RC3H2: variants seen among roughly 807,000 people sequenced by gnomAD.
The protein encoded by RC3H2 is ring finger and CCCH-type domains 2.
RC3H2 carries 31 observed loss-of-function variants against 133.3 expected under a neutral mutation model. The observed-to-expected ratio is 0.23, with a 90% CI of 0.17 to 0.31. The LOEUF (loss-of-function observed/expected upper bound fraction) is 0.31, where lower values mean the gene tolerates loss of function less well. Ranked by LOEUF, RC3H2 falls within the 10% of genes least tolerant of loss-of-function variation. RC3H2 has a pLI of 1.00. For synonymous variants in RC3H2, 517 were observed against 502.2 expected, an observed-to-expected ratio of 1.03 and a Z score of -0.40; for missense variants, 1,175 against 1,437.2, an observed-to-expected ratio of 0.82 and a Z score of 2.95.
rs193025380 is a variant in RC3H2 at position 122,844,683 on chromosome 9, A to T, written c.*4944T>A. ...TCTATTTTGTGAACAGCCAAAGCTA[A>T]TATCTCTTCACTTCAGTGCTACAGC... On this transcript the variant is annotated 3_prime_UTR_variant, in exon 21 of 21. Transcript: ENST00000357244. The T allele has an allele frequency of 2.0e-5, 3 of 152,314 alleles. No homozygotes were observed. The East Asian group carries it at 5.8e-4, about 29-fold the overall frequency. The allele number at this position is 152,314 out of a possible 1,614,324, so 9.4% of individuals were successfully genotyped here. A position where few individuals can be genotyped will look rare whatever the true frequency, so the allele number is the denominator to read the frequency against.
chr9:122,855,136 G>C (rs1418746148), intron 15 of RC3H2, 48 bp downstream of exon 15: 4 of 1,205,426 alleles, frequency 3.3e-6, no homozygotes, highest in Non-Finnish European at 4.7e-6. Context: ...AAAAAAAAAG[G>C]CATAGTGCTT....
intron 4 of RC3H2, among the ~76,000 whole-genome samples, chr9:122,887,877 G>A (rs1464128041): frequency 2.0e-5 from 3 of 151,686 alleles, no homozygotes; most frequent in African/African-American, 7.3e-5. Context: ...GCGAGTAGCT[G>A]AGATTATAGG....
chr9:122,863,948 G>A (rs1337435088), intron 10 of RC3H2, among the ~76,000 whole-genome samples: 1 of 152,172 alleles, frequency 6.6e-6, no homozygotes, highest in East Asian at 1.9e-4. Flanking sequence ...TGTTGGTCAG[G>A]CTGGTCTTGA....
chr9:122,864,327 A>G (rs2131405403), intron 10 of RC3H2, among the ~76,000 whole-genome samples: 1 of 152,082 alleles, frequency 6.6e-6, no homozygotes, highest in Middle Eastern at 3.4e-3. Flanking sequence ...AAGGCACCAA[A>G]ACCCTCTGAC....
chr9:122,858,964 G>C lies in RC3H2; in HGVS notation c.1988C>G (p.Pro663Arg). 1 of 1,614,210 alleles carries C rather than the reference G, an allele frequency of 6.2e-7. No homozygotes were observed. The highest frequency in any genetic ancestry group is 8.5e-7 in the Non-Finnish European group (1 of 1,180,022). ...PYADHYSTFS[P>R]RDRMNSSPYQ... Reference sequence around the variant, plus strand: ...AGGAGAAGAATTCATTCGATCTCGAGGGGAAAATGTACTGTAATGATCGGC... The same window carrying C: ...AGGAGAAGAATTCATTCGATCTCGACGGGAAAATGTACTGTAATGATCGGC... The change falls in exon 12 of 21, where the codon CCT becomes CGT. Residue 663 changes from proline (P) to arginine (R), a missense_variant. Around this residue, in one of 8 missense-constraint regions of RC3H2, gnomAD observed 490 missense variants for 492.8 expected, o/e 0.99. Coordinates refer to ENST00000357244, the MANE Select transcript of RC3H2 (RefSeq NM_001100588.3).
chr9:122,878,813 AT>A (rs1332012351), intron 8 of RC3H2, among the ~76,000 whole-genome samples: 2 of 151,732 alleles, frequency 1.3e-5, no homozygotes, highest in Non-Finnish European at 1.5e-5. Context: ...CAGTGGCGCG[AT>A]CTCGGCTCAC....
At chr9:122,884,639 G>C (rs1831816206) in intron 4 of RC3H2, among the ~76,000 whole-genome samples, 1 of 151,968 alleles carries the variant, frequency 6.6e-6, no homozygotes, top group Non-Finnish European at 1.5e-5. Context: ...CATCACCTGA[G>C]GTCATGAGTT....
Position 122,897,539 on chromosome 9 carries a change from C to G in RC3H2, c.-30G>C. The G allele has an allele frequency of 6.3e-7, 1 of 1,595,040 alleles. No individual in the cohort carries two copies. The highest frequency in any genetic ancestry group is 8.6e-7 in the Non-Finnish European group (1 of 1,168,316). On this transcript the variant is annotated 5_prime_UTR_variant, in exon 2 of 21. It removes the in-frame stop codon of an upstream open reading frame in the 5' UTR. Transcript: ENST00000357244. ...GAAGCTGGATGCTCGGGTTAGCAGT[C>G]TAGCAGATCATTATTTTGCTGTGTA...
chr9:122,859,993 C>A lies in RC3H2; in HGVS notation c.1773G>T (p.Pro591=). 6.2e-7 allele frequency: 1 copy of A among 1,614,022 alleles called. No individual in the cohort carries two copies. The highest frequency in any genetic ancestry group is 8.5e-7 in the Non-Finnish European group (1 of 1,179,984). ...PFLTRVPVYP[P]HSENIQYFQD... is the part of the protein sequence containing the mutation. ...GAAAATACTGAATGTTTTCAGAATG[C>A]GGAGGATATACTGGTACTCTAGTTA... is the stretch of plus-strand genomic sequence containing the variant. The change falls in exon 11 of 21, where the codon CCG becomes CCT. Residue 591 remains proline (P), a synonymous_variant. Coordinates refer to ENST00000357244, the MANE Select transcript of RC3H2 (RefSeq NM_001100588.3).
chr9:122,874,600 C>A (rs1462618618), intron 9 of RC3H2: 1 of 152,218 alleles, frequency 6.6e-6, no homozygotes, highest in East Asian at 1.9e-4. Context: ...TCACGGCAGA[C>A]CTGACCTCCC....
intron 9 of RC3H2, among the ~76,000 whole-genome samples, chr9:122,869,542 T>G: frequency 6.8e-6 from 1 of 146,576 alleles, no homozygotes; most frequent in Non-Finnish European, 1.5e-5. Flanking sequence ...AAAAAACAGG[T>G]GATGGCCAGT....
At chr9:122,879,672 A>G (rs1332182534) in intron 8 of RC3H2, 83 bp downstream of exon 8, 5 of 929,372 alleles carry the variant, frequency 5.4e-6, no homozygotes, top group Admixed American at 2.3e-5. Flanking sequence ...ACGGAGTCCA[A>G]TTAACAAAAC....
intron 13 of RC3H2, among the ~76,000 whole-genome samples, chr9:122,857,671 T>C (rs1235287492): frequency 1.1e-4 from 17 of 152,196 alleles, no homozygotes. Flanking sequence ...ACACTATTAA[T>C]AAAACAACCA....
Position 122,880,726 on chromosome 9 carries a change from T to C in RC3H2, c.828A>G (p.Leu276=). Residue 276 remains leucine (L), a synonymous_variant, in exon 6 of 21, where the codon TTA becomes TTG. Transcript: ENST00000357244. The part of the protein sequence containing the change: ...LKEEFRSYEA[L]RREHDAQIVH... The stretch of plus-strand genomic sequence containing the variant: ...CAATTTGGGCATCATGTTCTCTGCG[T>C]AATGCTTCATAACTCCGAAATTCCT... The C allele has an allele frequency of 1.2e-6, 2 of 1,614,114 alleles. No individual in the cohort carries two copies. Among genetic ancestry groups the C allele is most frequent in the Non-Finnish European group, 1.7e-6 (2 of 1,179,942 alleles).
intron 9 of RC3H2, chr9:122,875,218 A>G (rs1323591061): frequency 1.3e-6 from 2 of 1,551,054 alleles, no homozygotes; most frequent in East Asian, 2.4e-5. Context: ...AAAACTGAGA[A>G]GAGAAGCATG....
Position 122,859,919 on chromosome 9 carries a change from G to A in RC3H2, c.1847C>T (p.Thr616Ile), listed in dbSNP as rs771032610. The change falls in exon 11 of 21, where the codon ACA (threonine) becomes ATA (isoleucine). Residue 616 changes from threonine (T) to isoleucine (I), a missense_variant and splice_region_variant. This residue lies in a region of RC3H2 where 490 missense variants were observed against 492.8 expected (regional missense o/e 0.99). Coordinates refer to ENST00000357244, the MANE Select transcript of RC3H2 (RefSeq NM_001100588.3). Reference sequence around the variant, plus strand: ...TAGAATTGTCTAAAATTACTCACCTGTCTGTGGGTACTGTGGGACTTCAAA... The same window carrying A: ...TAGAATTGTCTAAAATTACTCACCTATCTGTGGGTACTGTGGGACTTCAAA... The part of the protein sequence containing the change: ...IPFEVPQYPQ[T>I]GYYPPPPTVP... The A allele has an allele frequency of 6.2e-7, 1 of 1,603,310 alleles. No individual in the cohort carries two copies. The highest frequency in any genetic ancestry group is 8.5e-7 in the Non-Finnish European group (1 of 1,170,164).
At chr9:122,897,188 A>C in intron 2 of RC3H2, 91 bp downstream of exon 2, 2 of 1,107,658 alleles carry the variant, frequency 1.8e-6, no homozygotes, top group Non-Finnish European at 2.6e-6. Context: ...CCTGGGCCAC[A>C]TGTAGCCTGC....
rs1263923182 is a variant in RC3H2 at position 122,881,771 on chromosome 9, C to T, written c.760-977G>A. On this transcript the variant is annotated intron_variant, in intron 5 of 20. Coordinates refer to ENST00000357244, the MANE Select transcript of RC3H2 (RefSeq NM_001100588.3). ...ACTTTCTGGGCTCAAGCAATCCTCTCGCTTTGGCCTCCCAAAGTGCTGGGA... is the reference window on the plus strand; with the variant it reads ...ACTTTCTGGGCTCAAGCAATCCTCTTGCTTTGGCCTCCCAAAGTGCTGGGA... Among the ~76,000 whole-genome samples, 5 of 152,154 alleles carry T rather than the reference C, an allele frequency of 3.3e-5. No homozygotes were observed. The East Asian group carries it at 9.6e-4, about 29-fold the overall frequency.
chr9:122,857,974 T>C lies in RC3H2; in HGVS notation c.2403A>G (p.Thr801=). The change falls in exon 13 of 21, where the codon ACA becomes ACG. Residue 801 remains threonine, a synonymous_variant. Coordinates refer to ENST00000357244, the MANE Select transcript of RC3H2 (RefSeq NM_001100588.3). ...GAGGAGAAGGTGGTGTTGGTGACTG[T>C]GTTGCCACAGGAAGAGTTGAAGAGA... ...PLVSSTLPVA[T]QSPTPPSPLF... 5 of 1,614,166 alleles carry C rather than the reference T, an allele frequency of 3.1e-6. No individual in the cohort carries two copies. The highest frequency in any genetic ancestry group is 4.2e-6 in the Non-Finnish European group (5 of 1,179,966).
Sources: allele counts gnomAD v4.1 joint callset (sites outside exome capture counted in the v4.1 genomes callset), GRCh38; gene constraint gnomAD v4.1.1; regional missense constraint gnomAD v4.1.1; transcripts MANE v1.5; gene names NCBI Gene and HGNC (gene_info 2026-07-23, HGNC 2026-07-21).